Variants in CEMIP2 observed in about 807,000 individuals in gnomAD.
CEMIP2 encodes cell migration inducing hyaluronidase 2, also known as cell surface hyaluronidase CEMIP2.
A neutral mutation model predicts 146.9 loss-of-function variants in CEMIP2; 79 were observed. The ratio of observed to expected loss-of-function variants is 0.54; its 90% CI spans 0.45 to 0.65. CEMIP2 has a LOEUF of 0.65. Ranked by LOEUF, CEMIP2 falls within the 30% of genes least tolerant of loss-of-function variation. The pLI, the probability that CEMIP2 is intolerant of heterozygous loss-of-function variation, is 0.00. For synonymous variants in CEMIP2, 601 were observed against 606.3 expected, an observed-to-expected ratio of 0.99 and a Z score of 0.13; for missense variants, 1,596 against 1,696.2, an observed-to-expected ratio of 0.94 and a Z score of 1.04.
In CEMIP2 at chr9:71,722,464, C is replaced by G. The variant is rs769197541; in HGVS notation, c.2230G>C (p.Asp744His). 2 of 1,613,794 alleles carry G rather than the reference C, an allele frequency of 1.2e-6. No homozygotes were observed. The highest frequency in any genetic ancestry group is 2.2e-5 in the East Asian group (1 of 44,848). The part of the protein sequence containing the change: ...GVKTTNSSAA[D>H]PREYLCLDNS... ...TCCAAACAGAGGTATTCCCTTGGGT[C>G]AGCAGCACTAGAGTTGGTTGTTTTG... The change falls in exon 12 of 24, where the codon GAC (aspartate) becomes CAC (histidine). Residue 744 changes from aspartate to histidine, a missense_variant. Asp to His is a moderately conservative substitution (Grantham distance 81). Transcript: ENST00000377044.
chr9:71,755,382 A>AC (rs1564027281), intron 1 of CEMIP2, among the ~76,000 whole-genome samples: 3 of 92,874 alleles, frequency 3.2e-5, no homozygotes, highest in Non-Finnish European at 4.3e-5. Context: ...CACACACACA[A>AC]AATTAAATCA....
intron 10 of CEMIP2, 139 bp from the exon 11 acceptor site, chr9:71,725,848 A>AT: frequency 1.1e-6 from 1 of 941,980 alleles, no homozygotes; most frequent in Non-Finnish European, 1.5e-6. Flanking sequence ...AGAATTGACA[A>AT]TAAAAAGTTG....
At chr9:71,722,340 C>T in intron 12 of CEMIP2, 87 bp downstream of exon 12, 1 of 1,015,890 alleles carries the variant, frequency 9.8e-7, no homozygotes, top group Non-Finnish European at 1.5e-6. Context: ...AAATGTATTA[C>T]CACAGAAAGA....
intron 12 of CEMIP2, among the ~76,000 whole-genome samples, chr9:71,720,289 G>T (rs1226257437): frequency 1.3e-5 from 2 of 151,996 alleles, no homozygotes; most frequent in Non-Finnish European, 2.9e-5. Flanking sequence ...TGATTAACAG[G>T]TTTTTTTGTT....
Position 71,700,640 on chromosome 9 carries a change from A to T in CEMIP2, c.3377+2T>A. 1 of 1,585,734 alleles carries T rather than the reference A, an allele frequency of 6.3e-7. No individual in the cohort carries two copies. ...TCTCATTCCCTGGTTTCACTGAATT[A>T]CCCCGTGCTGGAGTCAAAATAGAAT... On this transcript the variant is annotated splice_donor_variant, in intron 19 of 23. Transcript: ENST00000377044. LOFTEE classifies it high-confidence loss of function.
intron 1 of CEMIP2, among the ~76,000 whole-genome samples, chr9:71,754,990 C>T (rs1824380428): frequency 1.3e-5 from 2 of 151,974 alleles, no homozygotes; most frequent in East Asian, 1.9e-4. Flanking sequence ...CAAAAAGATA[C>T]CTTAAAAACT....
At chr9:71,744,028 G>A (rs1045085572) in intron 4 of CEMIP2, among the ~76,000 whole-genome samples, 26 of 152,104 alleles carry the variant, frequency 1.7e-4, no homozygotes, top group South Asian at 4.2e-4. Context: ...ATGTTAGGTC[G>A]GCTACTTCCC....
chr9:71,719,634 A>C (rs1823172468), intron 12 of CEMIP2, among the ~76,000 whole-genome samples: 1 of 152,122 alleles, frequency 6.6e-6, no homozygotes. Flanking sequence ...AGTAGCTGCG[A>C]AGATAAAGAG....
At chr9:71,730,008 G>A (rs759819274) in intron 9 of CEMIP2, 40 bp downstream of exon 9, 1 of 1,613,530 alleles carries the variant, frequency 6.2e-7, no homozygotes, top group Admixed American at 1.7e-5. Context: ...AAAAGTCAAA[G>A]GCCCTGACTC....
intron 10 of CEMIP2, among the ~76,000 whole-genome samples, 162 bp from the exon 11 acceptor site, chr9:71,725,871 A>T (rs900304536): frequency 6.6e-6 from 1 of 152,232 alleles, no homozygotes; most frequent in African/African-American, 2.4e-5. Flanking sequence ...CACACGTCTC[A>T]AAGTGGTTAT....
At chr9:71,750,577 G>A (rs952563600) in intron 1 of CEMIP2, among the ~76,000 whole-genome samples, 192 bp from the exon 2 acceptor site, 3 of 151,354 alleles carry the variant, frequency 2.0e-5, no homozygotes, top group Non-Finnish European at 4.4e-5. Flanking sequence ...GAGTAGCTGG[G>A]ATTAGAGGCA....
intron 11 of CEMIP2, among the ~76,000 whole-genome samples, chr9:71,724,548 A>G (rs184656648): frequency 1.6e-3 from 250 of 152,084 alleles, no homozygotes; most frequent in African/African-American, 5.9e-3. Context: ...TATTCCTTGA[A>G]CTCTGGTGCG....
At chr9:71,733,040 TCTC>T (rs1313521786) in intron 6 of CEMIP2, among the ~76,000 whole-genome samples, 1 of 152,092 alleles carries the variant, frequency 6.6e-6, no homozygotes, top group African/African-American at 2.4e-5. Context: ...ACGCTCTTGG[TCTC>T]CTCCCCTAGG....
chr9:71,747,894 A>G (rs1238892651), intron 2 of CEMIP2, among the ~76,000 whole-genome samples: 1 of 152,220 alleles, frequency 6.6e-6, no homozygotes, highest in Non-Finnish European at 1.5e-5. Context: ...CAGCAGTATC[A>G]TAACTGTTGA....
intron 22 of CEMIP2, among the ~76,000 whole-genome samples, chr9:71,687,609 A>C (rs1239700301): frequency 2.0e-5 from 3 of 152,116 alleles, no homozygotes; most frequent in Non-Finnish European, 2.9e-5. Flanking sequence ...TGAGAGGATC[A>C]TTTGAGCCCA....
At chr9:71,695,428 G>A (rs571750627) in intron 20 of CEMIP2, among the ~76,000 whole-genome samples, 4 of 151,138 alleles carry the variant, frequency 2.6e-5, no homozygotes, top group South Asian at 4.2e-4. Context: ...TAATCCCAGC[G>A]CTTTGGGGGG....
intron 1 of CEMIP2, among the ~76,000 whole-genome samples, chr9:71,757,337 G>A (rs1019266006): frequency 6.6e-6 from 1 of 152,156 alleles, no homozygotes; most frequent in African/African-American, 2.4e-5. Context: ...AAGTTGGCAC[G>A]ATCTAATCAG....
In CEMIP2 at chr9:71,695,874, G is replaced by T. The variant is rs542479594; in HGVS notation, c.3598-1267C>A. On this transcript the variant is annotated intron_variant, in intron 20 of 23. Coordinates refer to ENST00000377044, the MANE Select transcript of CEMIP2 (RefSeq NM_013390.3). ...TTCACATCTGTAATCCCAACAATTTGGGAGGCCAAAGTGGGAGGATCGCTT... is the reference window on the plus strand; with the variant it reads ...TTCACATCTGTAATCCCAACAATTTTGGAGGCCAAAGTGGGAGGATCGCTT... 2.8e-4 allele frequency among the ~76,000 whole-genome samples: 43 copies of T among 152,176 alleles called. No individual in the cohort carries two copies. The East Asian group carries it at 8.3e-3, about 29-fold the overall frequency.
intron 2 of CEMIP2, 78 bp downstream of exon 2, chr9:71,749,965 A>T (rs75919882): frequency 0.069 from 90,894 of 1,322,338 alleles, 2,983 homozygotes; most frequent in Non-Finnish European, 0.075. Flanking sequence ...CTTAAGATAA[A>T]TTTTTTTTTA....
Sources: allele counts gnomAD v4.1 joint callset (sites outside exome capture counted in the v4.1 genomes callset), GRCh38; gene constraint gnomAD v4.1.1; transcripts MANE v1.5; gene names NCBI Gene and HGNC (gene_info 2026-07-23, HGNC 2026-07-21).